Variants in LRRIQ1 observed in about 807,000 individuals in gnomAD.
The protein encoded by LRRIQ1 is leucine-rich repeat- and IQ domain-containing protein 1.
In LRRIQ1, 210 loss-of-function variants were observed where a neutral mutation model predicts 211.9. The observed-to-expected ratio is 0.99, with a 90% confidence interval of 0.89 to 1.11. The LOEUF (loss-of-function observed/expected upper bound fraction) is 1.11, where lower values mean the gene tolerates loss of function less well. Among genes scored for constraint, LRRIQ1 ranks in the 50% most tolerant of loss-of-function variants. The probability of loss-of-function intolerance (pLI) is 0.00; values close to 1 mark genes in which losing one functional copy is unlikely to be tolerated. For synonymous variants in LRRIQ1, 699 were observed against 650.1 expected, an observed-to-expected ratio of 1.08 and a Z score of -1.14; for missense variants, 2,136 against 1,939.5, an observed-to-expected ratio of 1.10 and a Z score of -1.90.
chr12:85,124,792 A>G (rs975303570), intron 17 of LRRIQ1: 1 of 325,680 alleles, frequency 3.1e-6, no homozygotes, highest in African/African-American at 2.2e-5. Context: ...TAATTTCTAA[A>G]TAATTAATAT....
chr12:85,183,233 A>G (rs1035862059), intron 24 of LRRIQ1, among the ~76,000 whole-genome samples: 2 of 152,076 alleles, frequency 1.3e-5, no homozygotes, highest in East Asian at 1.9e-4. Flanking sequence ...GTGATGTCCT[A>G]TTTGTAGGCT....
chr12:85,209,516 C>A (rs913318563), intron 24 of LRRIQ1, among the ~76,000 whole-genome samples: 17 of 152,182 alleles, frequency 1.1e-4, no homozygotes, highest in Non-Finnish European at 8.8e-5. Flanking sequence ...CAAACCATAT[C>A]AATCTGTGTA....
intron 24 of LRRIQ1, among the ~76,000 whole-genome samples, chr12:85,175,159 C>T (rs1891629512): frequency 1.3e-5 from 2 of 152,072 alleles, no homozygotes; most frequent in Admixed American, 6.6e-5. Flanking sequence ...TGCAATCTTG[C>T]TCAGAAAGCT....
chr12:85,234,791 A>G (rs1895099104), intron 26 of LRRIQ1, among the ~76,000 whole-genome samples: 1 of 152,232 alleles, frequency 6.6e-6, no homozygotes, highest in Non-Finnish European at 1.5e-5. Context: ...GAAAATTATG[A>G]AGCGAAAGTT....
chr12:85,141,160 A>T (rs1473152577), intron 19 of LRRIQ1, among the ~76,000 whole-genome samples: 2 of 151,282 alleles, frequency 1.3e-5, no homozygotes, highest in Admixed American at 6.6e-5. Flanking sequence ...TTGTTGTTCA[A>T]AATTTTGTCT....
intron 24 of LRRIQ1, among the ~76,000 whole-genome samples, chr12:85,227,619 G>C (rs1312210762): frequency 2.6e-5 from 4 of 152,044 alleles, no homozygotes; most frequent in Admixed American, 1.3e-4. Flanking sequence ...TAGATTCAAT[G>C]CCATCCCCAT....
At chr12:85,232,418 G>T (rs1894985157) in intron 25 of LRRIQ1, among the ~76,000 whole-genome samples, 2 of 152,046 alleles carry the variant, frequency 1.3e-5, no homozygotes, top group African/African-American at 4.8e-5. Flanking sequence ...ATCTTTACTA[G>T]TACTAATCAA....
intron 24 of LRRIQ1, among the ~76,000 whole-genome samples, chr12:85,198,853 A>C (rs909350434): frequency 2.6e-5 from 4 of 151,846 alleles, no homozygotes; most frequent in Non-Finnish European, 4.4e-5. Flanking sequence ...CAGGTGTGAG[A>C]CACCGCACCC....
chr12:85,149,899 GTTTTCTGTAC>G (rs1363209143), intron 19 of LRRIQ1, among the ~76,000 whole-genome samples: 1 of 151,558 alleles, frequency 6.6e-6, no homozygotes, highest in Non-Finnish European at 1.5e-5. Context: ...TATTTTCAAA[GTTTTCTGTAC>G]TTTTAAATAT....
intron 15 of LRRIQ1, among the ~76,000 whole-genome samples, chr12:85,117,427 C>T (rs556957438): frequency 5.3e-5 from 8 of 152,258 alleles, no homozygotes; most frequent in Middle Eastern, 3.4e-3. Flanking sequence ...AAAAAATCTG[C>T]TTCATATAAC....
intron 26 of LRRIQ1, among the ~76,000 whole-genome samples, chr12:85,241,486 A>G (rs2137256872): frequency 6.6e-6 from 1 of 152,122 alleles, no homozygotes; most frequent in Admixed American, 6.6e-5. Flanking sequence ...TAATTATGTG[A>G]TATATTTATA....
At chr12:85,267,195 A>G (rs1034002628), downstream of LRRIQ1, among the ~76,000 whole-genome samples, 3 of 152,138 alleles carry the variant, frequency 2.0e-5, no homozygotes, top group Non-Finnish European at 4.4e-5. Flanking sequence ...AGCATTGTCC[A>G]ATGTAAGTAT....
chr12:85,164,718 G>A (rs1891067122), intron 24 of LRRIQ1, among the ~76,000 whole-genome samples: 1 of 152,058 alleles, frequency 6.6e-6, no homozygotes, highest in Admixed American at 6.6e-5. Flanking sequence ...GAGATTGATA[G>A]GTGACTTGAC....
At chr12:85,138,773 T>A (rs1310654635) in intron 19 of LRRIQ1, among the ~76,000 whole-genome samples, 1 of 151,616 alleles carries the variant, frequency 6.6e-6, no homozygotes, top group Admixed American at 6.6e-5. Flanking sequence ...AAAAAGCCTA[T>A]GTTAAACAAA....
chr12:85,213,421 A>G (rs1237534910), intron 24 of LRRIQ1, among the ~76,000 whole-genome samples: 1 of 152,060 alleles, frequency 6.6e-6, no homozygotes, highest in Admixed American at 6.6e-5. Flanking sequence ...TCACGTCTAT[A>G]TAGCATGTGA....
chr12:85,182,237 G>A (rs1228911156), intron 24 of LRRIQ1, among the ~76,000 whole-genome samples: 2 of 151,916 alleles, frequency 1.3e-5, no homozygotes, highest in Non-Finnish European at 2.9e-5. Flanking sequence ...AAGGTCATCC[G>A]ATCATCTCTG....
chr12:85,084,346 AT>A (rs896585747), intron 11 of LRRIQ1, among the ~76,000 whole-genome samples: 147 of 152,214 alleles, frequency 9.7e-4, no homozygotes, highest in African/African-American at 3.3e-3. Context: ...TAAAATAATA[AT>A]TTTTTTGAAA....
In LRRIQ1 at chr12:85,124,132, T is replaced by A. The variant is rs1342175477; in HGVS notation, c.3620T>A (p.Leu1207His). 3.7e-6 allele frequency: 6 copies of A among 1,613,982 alleles called. No individual in the cohort carries two copies. The highest frequency in any genetic ancestry group is 5.1e-6 in the Non-Finnish European group (6 of 1,179,908). The part of the protein sequence containing the change: ...LCHYFKKLMI[L>H]STEYRHAHER... ...CATTATTTTAAGAAATTGATGATAC[T>A]TAGTACTGAATACCGACATGCACAC... Residue 1207 changes from leucine (L) to histidine (H), a missense_variant, in exon 17 of 27, where the codon CTT becomes CAT. Coordinates refer to ENST00000393217, the MANE Select transcript of LRRIQ1 (RefSeq NM_001079910.2).
At chr12:85,119,444 G>T (rs909305578) in intron 15 of LRRIQ1, among the ~76,000 whole-genome samples, 1 of 152,062 alleles carries the variant, frequency 6.6e-6, no homozygotes, top group Non-Finnish European at 1.5e-5. Context: ...AAGTTTTGGC[G>T]ATTATGAATA....
Sources: allele counts gnomAD v4.1 joint callset (sites outside exome capture counted in the v4.1 genomes callset), GRCh38; gene constraint gnomAD v4.1.1; transcripts MANE v1.5; gene names NCBI Gene and HGNC (gene_info 2026-07-23, HGNC 2026-07-21).